The following MYO3B variants were observed in gnomAD, a reference collection of about 807,000 sequenced individuals.
The protein encoded by MYO3B is myosin-IIIb.
In MYO3B, 156 loss-of-function variants were observed where a neutral mutation model predicts 174.6. That is an observed-to-expected ratio of 0.89 (90% CI 0.78 to 1.02). The LOEUF is 1.02. Among genes scored for constraint, MYO3B ranks in the 50% least tolerant of loss-of-function variants. The probability of loss-of-function intolerance (pLI) is 0.00; values close to 1 mark genes in which losing one functional copy is unlikely to be tolerated. For missense variants in MYO3B, 1,632 were observed against 1,639.4 expected (o/e 1.00, Z 0.08); for synonymous variants, 563 against 569.1 (o/e 0.99, Z 0.15).
chr2:170,461,373 C>T (rs1684268697), intron 23 of MYO3B, among the ~76,000 whole-genome samples: 2 of 149,148 alleles, frequency 1.3e-5, no homozygotes, highest in South Asian at 4.2e-4. Flanking sequence ...ACTCAGCAGG[C>T]TGAGGCAGGA....
intron 22 of MYO3B, among the ~76,000 whole-genome samples, chr2:170,425,014 G>T (rs1275547325): frequency 1.3e-5 from 2 of 152,040 alleles, no homozygotes; most frequent in Non-Finnish European, 2.9e-5. Flanking sequence ...TGGAGAAAAG[G>T]TCTCAAAGCC....
At chr2:170,593,037 A>G (rs1261530259) in intron 32 of MYO3B, among the ~76,000 whole-genome samples, 2 of 152,102 alleles carry the variant, frequency 1.3e-5, no homozygotes, top group East Asian at 1.9e-4. Context: ...AGATAAATCT[A>G]TTTACATCTC....
intron 1 of MYO3B, among the ~76,000 whole-genome samples, chr2:170,195,060 G>C (rs1440144804): frequency 2.6e-5 from 4 of 151,946 alleles, no homozygotes; most frequent in Non-Finnish European, 5.9e-5. Context: ...CCTAGATTGA[G>C]TGTGGGTCTG....
intron 7 of MYO3B, among the ~76,000 whole-genome samples, chr2:170,273,493 G>A (rs2093440072): frequency 6.6e-6 from 1 of 152,104 alleles, no homozygotes; most frequent in South Asian, 2.1e-4. Flanking sequence ...TTTCTCTTGA[G>A]TCTGCCTAAA....
chr2:170,214,678 A>G, intron 4 of MYO3B, 51 bp from the exon 5 acceptor site: 1 of 1,533,698 alleles, frequency 6.5e-7, no homozygotes, highest in Non-Finnish European at 9.0e-7. Context: ...TAAGCATGTA[A>G]ATTTCCCCTT....
At chr2:170,485,759 C>A (rs1403118254) in intron 25 of MYO3B, among the ~76,000 whole-genome samples, 1 of 152,154 alleles carries the variant, frequency 6.6e-6, no homozygotes, top group Non-Finnish European at 1.5e-5. Context: ...AAATGATGTG[C>A]TCCAGAGACT....
At chr2:170,465,582 C>T (rs566765726) in intron 24 of MYO3B, among the ~76,000 whole-genome samples, 20 of 152,280 alleles carry the variant, frequency 1.3e-4, no homozygotes, top group African/African-American at 4.1e-4. Flanking sequence ...GTATGTGTTT[C>T]CCACTGGATT....
At chr2:170,278,536 A>G (rs1401283) in intron 7 of MYO3B, among the ~76,000 whole-genome samples, 81,279 of 151,978 alleles carry the variant, frequency 0.53, 24,589 homozygotes, top group Non-Finnish European at 0.66. Context: ...TGTTTTATGC[A>G]TAGAATGTCT....
At chr2:170,272,584 G>A (rs2093433300) in intron 7 of MYO3B, among the ~76,000 whole-genome samples, 1 of 152,190 alleles carries the variant, frequency 6.6e-6, no homozygotes, top group Non-Finnish European at 1.5e-5. Flanking sequence ...GCAGGTAGAG[G>A]TGGGAGTGGT....
chr2:170,378,201 T>C (rs1200090778), intron 9 of MYO3B, among the ~76,000 whole-genome samples: 1 of 152,134 alleles, frequency 6.6e-6, no homozygotes, highest in African/African-American at 2.4e-5. Flanking sequence ...GAGATAAAAA[T>C]TGAAATAAAT....
chr2:170,545,427 A>G lies in MYO3B; in HGVS notation c.3733+1439A>G, dbSNP rs542584085. 9.2e-5 allele frequency among the ~76,000 whole-genome samples: 14 copies of G among 152,344 alleles called. No individual in the cohort carries two copies. The South Asian group carries it at 2.5e-3, about 27-fold the overall frequency. ...CATAGTAAGTGTTTAGTAAATGTCA[A>G]TTGCTGTTACGGTAATTATTGTTAT... On this transcript the variant is annotated intron_variant, in intron 32 of 34. Transcript: ENST00000408978.
At chr2:170,310,686 A>AAAG (rs1394362887) in intron 7 of MYO3B, among the ~76,000 whole-genome samples, 2 of 150,854 alleles carry the variant, frequency 1.3e-5, no homozygotes, top group African/African-American at 4.9e-5. Flanking sequence ...AAAAAAAAAA[A>AAAG]AGAAATACAT....
intron 32 of MYO3B, among the ~76,000 whole-genome samples, chr2:170,628,772 G>C (rs1399255351): frequency 6.6e-6 from 1 of 152,084 alleles, no homozygotes; most frequent in African/African-American, 2.4e-5. Flanking sequence ...TACCAACAAT[G>C]GTCCATACAG....
chr2:170,378,563 G>A (rs2094311301), intron 9 of MYO3B, among the ~76,000 whole-genome samples: 1 of 152,178 alleles, frequency 6.6e-6, no homozygotes. Context: ...CAAGAATCAA[G>A]CTCAGATTTG....
intron 7 of MYO3B, among the ~76,000 whole-genome samples, chr2:170,322,820 G>A (rs2093838552): frequency 6.6e-6 from 1 of 152,142 alleles, no homozygotes; most frequent in Non-Finnish European, 1.5e-5. Flanking sequence ...CTAAGGAACT[G>A]TACAGCCTTC....
At chr2:170,423,950 T>C (rs1042772862) in intron 22 of MYO3B, among the ~76,000 whole-genome samples, 2 of 152,204 alleles carry the variant, frequency 1.3e-5, no homozygotes, top group Non-Finnish European at 2.9e-5. Context: ...TTATCAGTAC[T>C]GAGCAATGTT....
chr2:170,440,044 G>A (rs1162348265), intron 22 of MYO3B, among the ~76,000 whole-genome samples: 4 of 152,106 alleles, frequency 2.6e-5, no homozygotes, highest in Non-Finnish European at 4.4e-5. Flanking sequence ...TATGGTATAA[G>A]GTAACAGTTA....
At chr2:170,533,205 C>T (rs1201362681) in intron 30 of MYO3B, among the ~76,000 whole-genome samples, 1 of 152,154 alleles carries the variant, frequency 6.6e-6, no homozygotes, top group African/African-American at 2.4e-5. Context: ...TCAGCACTCA[C>T]TGCACACAAT....
intron 3 of MYO3B, among the ~76,000 whole-genome samples, chr2:170,213,405 A>T (rs769698602): frequency 3.9e-5 from 6 of 152,088 alleles, no homozygotes; most frequent in Non-Finnish European, 2.9e-5. Flanking sequence ...CGGTGGTCAG[A>T]GTGAAACAGA....
Sources: allele counts gnomAD v4.1 joint callset (sites outside exome capture counted in the v4.1 genomes callset), GRCh38; gene constraint gnomAD v4.1.1; transcripts MANE v1.5; gene names NCBI Gene and HGNC (gene_info 2026-07-23, HGNC 2026-07-21).